GTPBP10: variants seen among roughly 807,000 people sequenced by gnomAD.
The protein encoded by GTPBP10 is GTP binding protein 10.
GTPBP10 carries 38 observed loss-of-function variants against 44.8 expected under a neutral mutation model. That is an observed-to-expected ratio of 0.85 (90% CI 0.65 to 1.11). The LOEUF (loss-of-function observed/expected upper bound fraction) is 1.11. GTPBP10 is among the 50% of genes most tolerant of loss of function. The pLI is 0.00. For synonymous variants in GTPBP10, 152 were observed against 150.6 expected (o/e 1.01, Z -0.07); for missense variants, 462 against 453.7 (o/e 1.02, Z -0.17).
chr7:90,360,539 G>A (rs1322304613), intron 4 of GTPBP10, among the ~76,000 whole-genome samples: 1 of 152,182 alleles, frequency 6.6e-6, no homozygotes, highest in Non-Finnish European at 1.5e-5. Flanking sequence ...TTTGGTTACT[G>A]TAGCCTTGTA....
intron 1 of GTPBP10, among the ~76,000 whole-genome samples, chr7:90,348,921 G>C (rs1795735949): frequency 6.6e-6 from 1 of 152,096 alleles, no homozygotes; most frequent in Admixed American, 6.6e-5. Context: ...TTTCTTCCTT[G>C]TTATCTGGCA....
chr7:90,369,042 G>A (rs185491510), intron 4 of GTPBP10, among the ~76,000 whole-genome samples: 53 of 152,326 alleles, frequency 3.5e-4, no homozygotes, highest in African/African-American at 1.3e-3. Context: ...CCTTCTAACA[G>A]TCGGGCTTCT....
intron 4 of GTPBP10, among the ~76,000 whole-genome samples, chr7:90,369,073 G>A (rs1257317709): frequency 1.3e-5 from 2 of 152,166 alleles, no homozygotes; most frequent in Non-Finnish European, 2.9e-5. Flanking sequence ...TCTTTTGGAG[G>A]TTGCTGGAGG....
intron 4 of GTPBP10, among the ~76,000 whole-genome samples, chr7:90,366,699 A>T (rs1584637854): frequency 7.0e-6 from 1 of 142,466 alleles, no homozygotes. Context: ...CTAGCGGTCT[A>T]TTTATATTGT....
intron 4 of GTPBP10, among the ~76,000 whole-genome samples, chr7:90,357,762 T>C (rs1182078434): frequency 6.6e-6 from 1 of 152,176 alleles, no homozygotes; most frequent in African/African-American, 2.4e-5. Context: ...CAATGAATGT[T>C]TTAAGTAACC....
intron 4 of GTPBP10, among the ~76,000 whole-genome samples, chr7:90,366,941 T>C (rs778106288): frequency 6.6e-5 from 10 of 152,204 alleles, no homozygotes; most frequent in Non-Finnish European, 1.0e-4. Flanking sequence ...TAAATTTCCC[T>C]CTCCACACTG....
chr7:90,353,770 G>T (rs1406128032), intron 2 of GTPBP10, among the ~76,000 whole-genome samples: 2 of 149,872 alleles, frequency 1.3e-5, no homozygotes, highest in East Asian at 1.9e-4. Flanking sequence ...CTCATTTGAG[G>T]TTAGTTTTTT....
Position 90,354,558 on chromosome 7 carries a change from A to C in GTPBP10, c.319+9A>C. On this transcript the variant is annotated intron_variant, in intron 3 of 9. Transcript: ENST00000222511. Reference sequence around the variant, plus strand: ...AAATGGTAAAATTATAGGTGAGTGTACTATAACTCCAAAAGTTGTAAAAAT... The same window carrying C: ...AAATGGTAAAATTATAGGTGAGTGTCCTATAACTCCAAAAGTTGTAAAAAT... 7.1e-7 allele frequency: 1 copy of C among 1,403,234 alleles called. No individual in the cohort carries two copies. Among genetic ancestry groups the C allele is most frequent in the South Asian group, 1.3e-5 (1 of 79,838 alleles). 86.9% of individuals were successfully genotyped at this position (1,403,234 alleles called of 1,614,324 possible). A position where few individuals can be genotyped will look rare whatever the true frequency, so the allele number is the denominator to read the frequency against.
In GTPBP10 at chr7:90,390,647, G is replaced by A. The variant is rs1796597742; in HGVS notation, c.*5493G>A. 6.6e-6 allele frequency: 1 copy of A among 152,108 alleles called. No homozygotes were observed. The highest frequency in any genetic ancestry group is 2.4e-5 in the African/African-American group (1 of 41,412). The allele number at this position is 152,108 out of a possible 1,614,324, so 9.4% of individuals were successfully genotyped here. On this transcript the variant is annotated 3_prime_UTR_variant, in exon 10 of 10. Coordinates refer to ENST00000222511, the MANE Select transcript of GTPBP10 (RefSeq NM_033107.4). ...TTTGCGAGCAATATATGGCATGATA[G>A]TATTTTCTTATCTAAATTCTGAGTG...
intron 4 of GTPBP10, among the ~76,000 whole-genome samples, chr7:90,367,156 T>G (rs1796150137): frequency 6.6e-6 from 1 of 152,186 alleles, no homozygotes; most frequent in Non-Finnish European, 1.5e-5. Flanking sequence ...GAGAGACAGT[T>G]TCTTGTGTTT....
rs1796513820 is a variant in GTPBP10, at chr7:90,385,715, A to G, written c.*561A>G. The G allele has an allele frequency of 6.6e-6, 1 of 152,074 alleles. No individual in the cohort carries two copies. The highest frequency in any genetic ancestry group is 1.5e-5 in the Non-Finnish European group (1 of 68,018). The allele number at this position is 152,074 out of a possible 1,614,324, so 9.4% of individuals were successfully genotyped here. On this transcript the variant is annotated 3_prime_UTR_variant, in exon 10 of 10. Coordinates refer to ENST00000222511, the MANE Select transcript of GTPBP10 (RefSeq NM_033107.4). The stretch of plus-strand genomic sequence containing the variant: ...ATATATGTGTCATTATTGAAGAACC[A>G]TACCTTTTAAAGTTATTATTTTGTA...
intron 1 of GTPBP10, among the ~76,000 whole-genome samples, chr7:90,348,385 C>T (rs1015486536): frequency 1.3e-5 from 2 of 152,058 alleles, no homozygotes; most frequent in African/African-American, 2.4e-5. Flanking sequence ...TGGCTGGAAG[C>T]CTCACTGATA....
intron 2 of GTPBP10, 140 bp downstream of exon 2, chr7:90,353,149 G>T: frequency 1.8e-6 from 1 of 543,652 alleles, no homozygotes. Flanking sequence ...AGCCTAAAAT[G>T]TCTCAACTCA....
At chr7:90,373,288 A>G (rs11563899) in intron 5 of GTPBP10, among the ~76,000 whole-genome samples, 4,323 of 152,296 alleles carry the variant, frequency 0.028, 80 homozygotes, top group African/African-American at 0.045. Context: ...TGCTCCTCAC[A>G]GAGATCTCGG....
At chr7:90,350,036 A>G (rs764241225) in intron 1 of GTPBP10, among the ~76,000 whole-genome samples, 3 of 152,208 alleles carry the variant, frequency 2.0e-5, no homozygotes, top group Admixed American at 6.5e-5. Flanking sequence ...CTTGTCATTT[A>G]CATTGGGTAT....
chr7:90,373,527 GT>G (rs1410140242), intron 5 of GTPBP10, among the ~76,000 whole-genome samples: 1 of 152,208 alleles, frequency 6.6e-6, no homozygotes, highest in African/African-American at 2.4e-5. Context: ...TTTGGACTAA[GT>G]GCTATAAATC....
chr7:90,349,550 CCTT>C (rs1795748355), intron 1 of GTPBP10, among the ~76,000 whole-genome samples: 1 of 152,184 alleles, frequency 6.6e-6, no homozygotes, highest in African/African-American at 2.4e-5. Flanking sequence ...GTTCTCTAGG[CCTT>C]CTTATCCAAC....
chr7:90,381,498 A>C (rs17866987), intron 8 of GTPBP10, among the ~76,000 whole-genome samples: 2,357 of 152,300 alleles, frequency 0.015, 59 homozygotes, highest in African/African-American at 0.052. Flanking sequence ...AAAGTGATCT[A>C]CGGATTCAGC....
chr7:90,360,415 G>C (rs185626933), intron 4 of GTPBP10, among the ~76,000 whole-genome samples: 50 of 152,210 alleles, frequency 3.3e-4, no homozygotes, highest in Admixed American at 1.2e-3. Context: ...CCCATTTCTT[G>C]TTTTTGTCAG....
Sources: allele counts gnomAD v4.1 joint callset (sites outside exome capture counted in the v4.1 genomes callset), GRCh38; gene constraint gnomAD v4.1.1; transcripts MANE v1.5; gene names NCBI Gene and HGNC (gene_info 2026-07-23, HGNC 2026-07-21).